Variants in CDH24 observed in about 807,000 individuals in gnomAD.
The protein encoded by CDH24 is cadherin-24.
CDH24 carries 61 observed loss-of-function variants against 71.2 expected under a neutral mutation model. The ratio of observed to expected loss-of-function variants is 0.86; its 90% CI spans 0.70 to 1.06. CDH24 has a LOEUF of 1.06. CDH24 is among the 50% of genes least tolerant of loss of function. The pLI, the probability that CDH24 is intolerant of heterozygous loss-of-function variation, is 0.00. For missense variants in CDH24, 961 were observed against 1,083.7 expected, an observed-to-expected ratio of 0.89 and a Z score of 1.59; for synonymous variants, 440 against 470.2, an observed-to-expected ratio of 0.94 and a Z score of 0.83.
At position 23,051,053 on chromosome 14, in the gene CDH24, G is replaced by A. The variant is rs2047082246; in HGVS notation, c.1364-1110C>T. Among the ~76,000 whole-genome samples, 1 of 152,132 alleles carries A rather than the reference G, an allele frequency of 6.6e-6. No individual in the cohort carries two copies. Among genetic ancestry groups the A allele is most frequent in the Non-Finnish European group, 1.5e-5 (1 of 68,028 alleles). On this transcript the variant is annotated intron_variant, in intron 8 of 12. Coordinates refer to ENST00000487137, the MANE Select transcript of CDH24 (RefSeq NM_144985.4). This position sits in a 1 kb window ranked among gnomAD's most constrained non-coding sequence, Gnocchi z 4.4. ...GAAACGCACACACACACAAAGCTAT[G>A]TATATATAAGCAGCCAAAAACATAC... is the stretch of plus-strand genomic sequence containing the variant.
chr14:23,052,612 G>A lies in CDH24; in HGVS notation c.1227-3C>T. 1 of 1,613,204 alleles carries A rather than the reference G, an allele frequency of 6.2e-7. No individual in the cohort carries two copies. The highest frequency in any genetic ancestry group is 1.1e-5 in the South Asian group (1 of 91,080). ...CTGAGTGGGGGAGGATGGAGTATCTGGGGAAGGGAGAGACATGCTGGGGCT... is the reference window on the plus strand; with the variant it reads ...CTGAGTGGGGGAGGATGGAGTATCTAGGGAAGGGAGAGACATGCTGGGGCT... On this transcript the variant is annotated splice_region_variant and splice_polypyrimidine_tract_variant and intron_variant, in intron 7 of 12. Coordinates refer to ENST00000487137, the MANE Select transcript of CDH24 (RefSeq NM_144985.4).
chr14:23,054,928 T>C lies in CDH24; in HGVS notation c.497-62A>G, dbSNP rs1315517358. ...GGGAAGGATGGGGAAGAACAACCGATGGGGGGGGATGCAGATACGAGGGAG... is the reference window on the plus strand; with the variant it reads ...GGGAAGGATGGGGAAGAACAACCGACGGGGGGGGATGCAGATACGAGGGAG... On this transcript the variant is annotated intron_variant, in intron 3 of 12. Transcript: ENST00000487137. The surrounding 1 kb of genome is among the most constrained non-coding windows in gnomAD (Gnocchi z 5.2). 4.4e-6 allele frequency: 7 copies of C among 1,576,210 alleles called. No homozygotes were observed. Among genetic ancestry groups the C allele is most frequent in the Middle Eastern group, 1.7e-4 (1 of 5,922 alleles).
chr14:23,049,063 G>A lies in CDH24; in HGVS notation c.1810C>T (p.Leu604=), dbSNP rs141827332. The A allele has an allele frequency of 6.2e-7, 1 of 1,612,816 alleles. No homozygotes were observed. Among genetic ancestry groups the A allele is most frequent in the East Asian group, 2.2e-5 (1 of 44,876 alleles). The change falls in exon 11 of 13, where the codon CTG becomes TTG. Residue 604 remains leucine, a synonymous_variant. Transcript: ENST00000487137. ...CCCACACAGGTGATGATGGCAAGCA[G>A]GGCGCCGGTGCTGAGCCCAGCAGCT... ...LSAAGLSTGA[L]LAIITCVGAL...
In CDH24 at chr14:23,048,453, G is replaced by A. The variant is rs774976362; in HGVS notation, c.1873C>T (p.Arg625Trp). ...LALVVLFVAL[R>W]RQKQEALMVL... ...ATCAGTGCTTCTTGCTTCTGCCGCC[G>A]CAGGGCCACGAAGAGCACCACCAGG... The change falls in exon 12 of 13, where the codon CGG becomes TGG. Residue 625 changes from arginine (R) to tryptophan (W), a missense_variant. Arg to Trp is a moderately radical substitution (Grantham distance 101). Transcript: ENST00000487137. 3 of 1,609,342 alleles carry A rather than the reference G, an allele frequency of 1.9e-6. No homozygotes were observed. Among genetic ancestry groups the A allele is most frequent in the East Asian group, 4.5e-5 (2 of 44,852 alleles).
At position 23,051,582 on chromosome 14, in the gene CDH24, A is replaced by T. The variant is rs76529257; in HGVS notation, c.1363+891T>A. 0.039 allele frequency among the ~76,000 whole-genome samples: 5,997 copies of T among 152,348 alleles called. 394 individuals carry two copies. The highest frequency in any genetic ancestry group is 0.14 in the African/African-American group (5,660 of 41,558). On this transcript the variant is annotated intron_variant, in intron 8 of 12. Transcript: ENST00000487137. This position sits in a 1 kb window ranked among gnomAD's most constrained non-coding sequence, Gnocchi z 4.4. ...ATAAATATAATTCTGTACACTCAACAGTAAACACATATATATCCATTACAG... is the reference window on the plus strand; with the variant it reads ...ATAAATATAATTCTGTACACTCAACTGTAAACACATATATATCCATTACAG...
intron 8 of CDH24, among the ~76,000 whole-genome samples, chr14:23,050,639 TA>T (rs2047079524): frequency 1.3e-5 from 2 of 152,176 alleles, no homozygotes; most frequent in South Asian, 4.1e-4. Context: ...CCAGCCTGGG[TA>T]CCACAGCCAG....
At position 23,054,498 on chromosome 14, in the gene CDH24, C is replaced by T; in HGVS notation, c.784+8G>A. 1 of 1,610,436 alleles carries T rather than the reference C, an allele frequency of 6.2e-7. No individual in the cohort carries two copies. The highest frequency in any genetic ancestry group is 8.5e-7 in the Non-Finnish European group (1 of 1,177,940). ...AGGATGGCTCAGGTGGCAGCAATGG[C>T]CCCTTACTCTGTGGGAACTTGGGGG... is the stretch of plus-strand genomic sequence containing the variant. On this transcript the variant is annotated splice_region_variant and intron_variant, in intron 5 of 12. Transcript: ENST00000487137. The surrounding 1 kb of genome is among the most constrained non-coding windows in gnomAD (Gnocchi z 5.2).
chr14:23,054,678 G>A lies in CDH24; in HGVS notation c.617-5C>T, dbSNP rs1283564651. On this transcript the variant is annotated splice_region_variant and splice_polypyrimidine_tract_variant and intron_variant, in intron 4 of 12. Coordinates refer to ENST00000487137, the MANE Select transcript of CDH24 (RefSeq NM_144985.4). This position sits in a 1 kb window ranked among gnomAD's most constrained non-coding sequence, Gnocchi z 5.2. Reference sequence around the variant, plus strand: ...GGATGGCTGTACGCACCACTCCTAGGGAGAGATGCTGGTCAGAGGGTGTCT... The same window carrying A: ...GGATGGCTGTACGCACCACTCCTAGAGAGAGATGCTGGTCAGAGGGTGTCT... 3.7e-6 allele frequency: 6 copies of A among 1,613,882 alleles called. No individual in the cohort carries two copies. In the East Asian group the frequency reaches 1.3e-4, roughly 36 times the overall value.
rs2047115342 is a variant in CDH24 at position 23,054,931 on chromosome 14, G to GT, written c.497-66_497-65insA. The GT allele has an allele frequency of 1.2e-6, 2 of 1,603,992 alleles. No homozygotes were observed. The highest frequency in any genetic ancestry group is 2.7e-5 in the African/African-American group (2 of 74,782). ...AAGGATGGGGAAGAACAACCGATGG[G>GT]GGGGGATGCAGATACGAGGGAGGCT... On this transcript the variant is annotated intron_variant, in intron 3 of 12. Transcript: ENST00000487137. The surrounding 1 kb of genome is among the most constrained non-coding windows in gnomAD (Gnocchi z 5.2).
rs2047107407 is a variant in CDH24, at chr14:23,054,236, G to C, written c.877C>G (p.Leu293Val). ...AQDPDLGDNA[L>V]MAYSILDGEG... Reference sequence around the variant, plus strand: ...CCATCCAGGATGCTGTATGCCATCAGGGCGTTGTCCCCCAGGTCTGGGTCC... The same window carrying C: ...CCATCCAGGATGCTGTATGCCATCACGGCGTTGTCCCCCAGGTCTGGGTCC... The change falls in exon 6 of 13, where the codon CTG (leucine) becomes GTG (valine). Residue 293 changes from leucine to valine, a missense_variant. Leu to Val is a conservative substitution (Grantham distance 32). Around this residue, in one of 2 missense-constraint regions of CDH24, gnomAD observed 671 missense variants for 810.9 expected, o/e 0.83. Coordinates refer to ENST00000487137, the MANE Select transcript of CDH24 (RefSeq NM_144985.4). The surrounding 1 kb of genome is among the most constrained non-coding windows in gnomAD (Gnocchi z 5.2). 1 of 1,613,796 alleles carries C rather than the reference G, an allele frequency of 6.2e-7. No individual in the cohort carries two copies. Among genetic ancestry groups the C allele is most frequent in the East Asian group, 2.2e-5 (1 of 44,878 alleles).
rs1302657452 is a variant in CDH24, at chr14:23,049,378, GCCAGCCCATAGGT to G, written c.1598-116_1598-104del. 2.0e-5 allele frequency: 23 copies of G among 1,169,520 alleles called. No individual in the cohort carries two copies. The East Asian group carries it at 2.3e-4, about 12-fold the overall frequency. The allele number at this position is 1,169,520 out of a possible 1,614,324, so 72.4% of individuals were successfully genotyped here. A position where few individuals can be genotyped will look rare whatever the true frequency, so the allele number is the denominator to read the frequency against. On this transcript the variant is annotated intron_variant, in intron 10 of 12. Transcript: ENST00000487137. The stretch of plus-strand genomic sequence containing the variant: ...TCCCATAGAGCCAGCCCCCCATAGA[GCCAGCCCATAGGT>G]CCAGCCCATAGAGCCAGCTTCCCAT...
In CDH24 at chr14:23,055,185, G is replaced by A. The variant is rs1045901293; in HGVS notation, c.370C>T (p.Arg124Ter). 7 of 1,614,032 alleles carry A rather than the reference G, an allele frequency of 4.3e-6. No homozygotes were observed. Among genetic ancestry groups the A allele is most frequent in the African/African-American group, 2.7e-5 (2 of 74,906 alleles). ...GGCTCCAGGGGCCGGTTGGAGGCTC[G>A]GTCCACGGCTTGGGCCAGTAGCACA... ...QYVLLAQAVD[R>*]ASNRPLEPPS... Residue 124 changes from arginine to a stop codon, truncating the protein, a stop_gained, in exon 3 of 13, where the codon CGA becomes TGA. Coordinates refer to ENST00000487137, the MANE Select transcript of CDH24 (RefSeq NM_144985.4). LOFTEE classifies it high-confidence loss of function. This position sits in a 1 kb window ranked among gnomAD's most constrained non-coding sequence, Gnocchi z 4.1.
In CDH24 at chr14:23,049,202, T is replaced by C; in HGVS notation, c.1671A>G (p.Glu557=). Residue 557 remains glutamate, a synonymous_variant, in exon 11 of 13, where the codon GAA becomes GAG. Transcript: ENST00000487137. Reference sequence around the variant, plus strand: ...GCGCCGGCTGCCCCCAGTCCCACAGTTCTATGGGAACCAAGTAGGGGGCAT... The same window carrying C: ...GCGCCGGCTGCCCCCAGTCCCACAGCTCTATGGGAACCAAGTAGGGGGCAT... ...PRHAPYLVPI[E]LWDWGQPALS... The C allele has an allele frequency of 6.3e-7, 1 of 1,575,580 alleles. No homozygotes were observed. Among genetic ancestry groups the C allele is most frequent in the Non-Finnish European group, 8.6e-7 (1 of 1,159,880 alleles).
In CDH24 at chr14:23,048,258, C is replaced by G. The variant is rs781539258; in HGVS notation, c.2068G>C (p.Val690Leu). 9.0e-6 allele frequency: 13 copies of G among 1,449,428 alleles called. No homozygotes were observed. The African/African-American group carries it at 1.7e-4, about 18-fold the overall frequency. 89.8% of individuals were successfully genotyped at this position (1,449,428 alleles called of 1,614,324 possible). Residue 690 changes from valine (V) to leucine (L), a missense_variant, in exon 12 of 13, where the codon GTG becomes CTG. Coordinates refer to ENST00000487137, the MANE Select transcript of CDH24 (RefSeq NM_144985.4). The stretch of plus-strand genomic sequence containing the variant: ...CCGGGGGGTCTGGGCTGGCGCGACA[C>G]CCGGGCCCGGGGCAACACGTCTCGG... ...ARRDVLPRARVSRQPRPPGPA... is the reference protein window; with the variant it reads ...ARRDVLPRARLSRQPRPPGPA...
chr14:23,056,064 C>G (rs1042483418), intron 1 of CDH24, among the ~76,000 whole-genome samples: 1 of 152,152 alleles, frequency 6.6e-6, no homozygotes, highest in African/African-American at 2.4e-5. Context: ...AATCTCTGGT[C>G]AGTCAACTCT....
chr14:23,054,851 T>C lies in CDH24; in HGVS notation c.512A>G (p.Gln171Arg). 1 of 1,613,236 alleles carries C rather than the reference T, an allele frequency of 6.2e-7. No homozygotes were observed. Among genetic ancestry groups the C allele is most frequent in the Non-Finnish European group, 8.5e-7 (1 of 1,179,966 alleles). ...EMSNVGTSVI[Q>R]VTAHDADDPS... The stretch of plus-strand genomic sequence containing the variant: ...GTCATCAGCATCGTGAGCAGTCACC[T>C]GGATCACTGATGTCCCTGTGGGGGA... The change falls in exon 4 of 13, where the codon CAG becomes CGG. Residue 171 changes from glutamine to arginine, a missense_variant. Physicochemically the swap from Gln to Arg is conservative, Grantham distance 43 (BLOSUM62 1). Around this residue, in one of 2 missense-constraint regions of CDH24, gnomAD observed 671 missense variants for 810.9 expected, o/e 0.83. Transcript: ENST00000487137. This position sits in a 1 kb window ranked among gnomAD's most constrained non-coding sequence, Gnocchi z 5.2.
In CDH24 at chr14:23,055,869, G is replaced by A. The variant is rs935011420; in HGVS notation, c.-124-12C>T. The A allele has an allele frequency of 1.4e-6, 1 of 716,328 alleles. No individual in the cohort carries two copies. Among genetic ancestry groups the A allele is most frequent in the Non-Finnish European group, 2.3e-6 (1 of 443,288 alleles). The allele number at this position is 716,328 out of a possible 1,614,324, so 44.4% of individuals were successfully genotyped here. ...CCATGGATCCACACCTGCAGGACAA[G>A]CAGCTGCTCAGGCTCAAGGAAACCC... is the stretch of plus-strand genomic sequence containing the variant. On this transcript the variant is annotated splice_polypyrimidine_tract_variant and intron_variant, in intron 1 of 12. Transcript: ENST00000487137. The surrounding 1 kb of genome is among the most constrained non-coding windows in gnomAD (Gnocchi z 4.1).
At position 23,053,555 on chromosome 14, in the gene CDH24, C is replaced by G. The variant is rs905067429; in HGVS notation, c.1167G>C (p.Pro389=). Residue 389 remains proline, a synonymous_variant, in exon 7 of 13, where the codon CCG becomes CCC. Transcript: ENST00000487137. ...CGGAGATCTGGCCTACCAGGGTCCC[C>G]GGGGCCTTGTTCTCAGGCACTGTCA... The part of the protein sequence containing the change: ...YHLTVPENKA[P]GTLVGQISAA... 6.8e-6 allele frequency: 11 copies of G among 1,609,418 alleles called. No individual in the cohort carries two copies. Among genetic ancestry groups the G allele is most frequent in the Non-Finnish European group, 9.3e-6 (11 of 1,176,602 alleles).
intron 7 of CDH24, 94 bp downstream of exon 7, chr14:23,053,402 G>A (rs760771694): frequency 3.5e-5 from 47 of 1,358,800 alleles, no homozygotes; most frequent in Non-Finnish European, 4.5e-5. Context: ...TGGGATATGA[G>A]TGATTTGCTA....
Sources: gnomAD v4.1 joint callset for allele counts (sites outside exome capture counted in the v4.1 genomes callset) on GRCh38, gnomAD v4.1.1 for gene constraint, gnomAD v4.1.1 regional missense constraint, Gnocchi (gnomAD v3.1) non-coding constraint, MANE v1.5 for transcripts, NCBI Gene and HGNC (gene_info 2026-07-23, HGNC 2026-07-21) for gene names.